The following MTMR10 variants were observed in gnomAD, a reference collection of about 807,000 sequenced individuals.
The protein encoded by MTMR10 is myotubularin related protein 10, also known as myotubularin-related protein 10.
A neutral mutation model predicts 88.1 loss-of-function variants in MTMR10; 56 were observed. The ratio of observed to expected loss-of-function variants is 0.64; its 90% CI spans 0.51 to 0.79. The LOEUF (loss-of-function observed/expected upper bound fraction) is 0.79, where lower values mean the gene tolerates loss of function less well. Ranked by LOEUF, MTMR10 falls within the 30% of genes least tolerant of loss-of-function variation. The probability of loss-of-function intolerance (pLI) is 0.00; values close to 1 mark genes in which losing one functional copy is unlikely to be tolerated. For synonymous variants in MTMR10, 380 were observed against 340.9 expected (o/e 1.11, Z -1.26); for missense variants, 883 against 924.7 (o/e 0.95, Z 0.58).
the MTMR10 span, chr15:30,920,483 TATTATTGTCTTATAATAA>T: frequency 1.9e-6 from 2 of 1,041,270 alleles, no homozygotes; most frequent in Non-Finnish European, 3.0e-6. Flanking sequence ...TGTCACTTGT[TATTATTGTCTTATAATAA>T]ATTAACCAAA....
Position 30,940,011 on chromosome 15 carries a change from A to G in MTMR10, c.*1459T>C, listed in dbSNP as rs1219311174. 2.0e-6 allele frequency: 2 copies of G among 975,772 alleles called. No individual in the cohort carries two copies. Among genetic ancestry groups the G allele is most frequent in the Non-Finnish European group, 2.4e-6 (2 of 821,288 alleles). 60.4% of individuals were successfully genotyped at this position (975,772 alleles called of 1,614,324 possible). ...AAAGGCAAATAATTCAAAAAGAAAC[A>G]GCTATTCAGTACATATAAAGGTAAA... is the stretch of plus-strand genomic sequence containing the variant. On this transcript the variant is annotated 3_prime_UTR_variant, in exon 16 of 16. Coordinates refer to ENST00000435680, the MANE Select transcript of MTMR10 (RefSeq NM_017762.3).
chr15:30,953,454 G>T, intron 11 of MTMR10, 108 bp downstream of exon 11: 1 of 786,888 alleles, frequency 1.3e-6, no homozygotes, highest in Non-Finnish European at 2.0e-6. Flanking sequence ...GGGGGAAGTT[G>T]GATGAAGAGT....
intron 2 of MTMR10, among the ~76,000 whole-genome samples, chr15:30,986,137 T>C (rs915093493): frequency 2.0e-5 from 3 of 152,074 alleles, no homozygotes; most frequent in South Asian, 2.1e-4. Flanking sequence ...GGCAATATAG[T>C]TGGACCCCAT....
chr15:30,958,391 A>C (rs2063355671), intron 9 of MTMR10, among the ~76,000 whole-genome samples: 1 of 152,236 alleles, frequency 6.6e-6, no homozygotes, highest in Non-Finnish European at 1.5e-5. Flanking sequence ...CTATGAGCAC[A>C]ACTGAGAAAG....
At chr15:30,937,601 G>A (rs1018995360), downstream of MTMR10, among the ~76,000 whole-genome samples, 19 of 151,694 alleles carry the variant, frequency 1.3e-4, no homozygotes, top group African/African-American at 2.4e-4. Context: ...ACAGGTGTGC[G>A]CCACCACGCC....
At chr15:30,925,426 G>A in the MTMR10 span, 1 of 873,974 alleles carries the variant, frequency 1.1e-6, no homozygotes. Context: ...GTTTTGGACG[G>A]CTGTGTGGCC....
intron 15 of MTMR10, 189 bp downstream of exon 15, chr15:30,942,699 CTT>C (rs777460660): frequency 4.2e-5 from 24 of 577,118 alleles, no homozygotes; most frequent in Non-Finnish European, 6.4e-5. Flanking sequence ...GGTACTGAGA[CTT>C]TGTGGGCCTC....
chr15:30,968,703 T>G (rs1248356743), intron 5 of MTMR10, among the ~76,000 whole-genome samples: 1 of 152,162 alleles, frequency 6.6e-6, no homozygotes, highest in African/African-American at 2.4e-5. Context: ...ATAACATGTG[T>G]GAAGTCATTT....
the MTMR10 span, among the ~76,000 whole-genome samples, chr15:30,929,580 T>C: frequency 7.6e-6 from 1 of 132,036 alleles, no homozygotes; most frequent in Non-Finnish European, 1.6e-5. Context: ...TTATATTTAT[T>C]ATATTATATA....
intron 7 of MTMR10, 132 bp downstream of exon 7, chr15:30,960,749 T>G: frequency 8.5e-7 from 1 of 1,180,186 alleles, no homozygotes; most frequent in Non-Finnish European, 1.1e-6. Context: ...AATAAAATAT[T>G]TATTAAAACA....
the MTMR10 span, chr15:30,922,374 A>G: frequency 7.6e-6 from 12 of 1,582,548 alleles, no homozygotes; most frequent in Non-Finnish European, 9.4e-6. Context: ...AACAAAACAT[A>G]TCTGAAACAC....
Position 30,952,712 on chromosome 15 carries a change from G to A in MTMR10, c.1137-674C>T, listed in dbSNP as rs1017567123. Among the ~76,000 whole-genome samples, 4 of 151,882 alleles carry A rather than the reference G, an allele frequency of 2.6e-5. No homozygotes were observed. In the East Asian group the frequency reaches 5.8e-4, roughly 22 times the overall value. ...TCTCACTGTGTTGCTCAGGCTGGTTGTGAACTACTGGCCTCAAGTGATCTT... is the reference window on the plus strand; with the variant it reads ...TCTCACTGTGTTGCTCAGGCTGGTTATGAACTACTGGCCTCAAGTGATCTT... On this transcript the variant is annotated intron_variant, in intron 11 of 15. Transcript: ENST00000435680.
chr15:30,922,355 G>C, the MTMR10 span: 4 of 1,597,806 alleles, frequency 2.5e-6, no homozygotes, highest in Non-Finnish European at 3.4e-6. Flanking sequence ...CCTGGAACCG[G>C]TACTCAGTAA....
intron 14 of MTMR10, among the ~76,000 whole-genome samples, chr15:30,944,228 T>C (rs2063133821): frequency 6.6e-6 from 1 of 152,092 alleles, no homozygotes; most frequent in Non-Finnish European, 1.5e-5. Flanking sequence ...AATTTTCTAT[T>C]TCAAATAAGT....
chr15:30,987,719 T>C (rs1014872011), intron 2 of MTMR10, among the ~76,000 whole-genome samples: 54 of 152,060 alleles, frequency 3.6e-4, no homozygotes, highest in African/African-American at 1.3e-3. Context: ...CTGGGATACA[T>C]GTGCAGAATG....
intron 4 of MTMR10, 26 bp downstream of exon 4, chr15:30,974,905 T>C (rs755660495): frequency 2.2e-6 from 3 of 1,394,542 alleles, no homozygotes; most frequent in Non-Finnish European, 2.9e-6. Context: ...AATTGACTTT[T>C]AGAGTATGTA....
chr15:30,977,428 G>A (rs897060783), intron 2 of MTMR10, among the ~76,000 whole-genome samples: 4 of 152,134 alleles, frequency 2.6e-5, no homozygotes, highest in Non-Finnish European at 2.9e-5. Flanking sequence ...ATTCCATAAA[G>A]CCAAATCAAG....
the MTMR10 span, among the ~76,000 whole-genome samples, chr15:30,921,342 T>C: frequency 1.1e-3 from 165 of 152,272 alleles, 4 homozygotes; most frequent in South Asian, 2.1e-4. Context: ...GAGGGACCTT[T>C]TGCTTCCTTT....
chr15:30,944,929 T>C (rs572713638), intron 14 of MTMR10, among the ~76,000 whole-genome samples: 243 of 151,286 alleles, frequency 1.6e-3, no homozygotes, highest in Middle Eastern at 3.4e-3. Flanking sequence ...AGAGCAGTGC[T>C]TGGACCCAGG....
Sources: gnomAD v4.1 joint callset for allele counts (sites outside exome capture counted in the v4.1 genomes callset) on GRCh38, gnomAD v4.1.1 for gene constraint, MANE v1.5 for transcripts, NCBI Gene and HGNC (gene_info 2026-07-23, HGNC 2026-07-21) for gene names.